TBCK: variants seen among roughly 807,000 people sequenced by gnomAD.
The protein encoded by TBCK is TBC1 domain containing kinase.
Under a neutral mutation model 113.4 loss-of-function variants are expected in TBCK, and 99 were observed. The ratio of observed to expected loss-of-function variants is 0.87; its 90% CI spans 0.74 to 1.03. The LOEUF is 1.03. Ranked by LOEUF, TBCK falls within the 50% of genes least tolerant of loss-of-function variation. The pLI is 0.00. For missense variants in TBCK, 1,045 were observed against 1,061.3 expected, an observed-to-expected ratio of 0.98 and a Z score of 0.21; for synonymous variants, 369 against 370.8, an observed-to-expected ratio of 1.00 and a Z score of 0.05.
At chr4:106,155,145 A>ATTT (rs77812482) in intron 23 of TBCK, among the ~76,000 whole-genome samples, 4 of 146,420 alleles carry the variant, frequency 2.7e-5, no homozygotes, top group African/African-American at 1.0e-4. Flanking sequence ...CTAGGGTAAA[A>ATTT]TTTTTTTTTT....
rs1739698737 is a variant in TBCK at position 106,087,871 on chromosome 4, G to T, written c.2571+7611C>A. 1.3e-5 allele frequency among the ~76,000 whole-genome samples: 2 copies of T among 152,208 alleles called. 1 individual carries two copies. The highest frequency in any genetic ancestry group is 2.9e-5 in the Non-Finnish European group (2 of 68,042). On this transcript the variant is annotated intron_variant, in intron 25 of 25. Coordinates refer to ENST00000394708, the MANE Select transcript of TBCK (RefSeq NM_001163435.3). ...GGAAAGGATCTCCTATTCAGTAAAT[G>T]GTGCTGGGAAGACTGGCTAGCCATA...
At position 106,262,115 on chromosome 4, in the gene TBCK, T is replaced by C; in HGVS notation, c.364A>G (p.Ile122Val). The change falls in exon 4 of 26, where the codon ATC becomes GTC. Residue 122 changes from isoleucine to valine, a missense_variant. Transcript: ENST00000394708. ...ACAATTACCTTTCGGTCCAACAGGA[T>C]ATTATGAGGAGACAATGCCCTGTGT... ...IVHRALSPHNILLDRKGHIKL... is the reference protein window; with the variant it reads ...IVHRALSPHNVLLDRKGHIKL... 1.3e-6 allele frequency: 2 copies of C among 1,535,202 alleles called. No homozygotes were observed. The highest frequency in any genetic ancestry group is 1.8e-6 in the Non-Finnish European group (2 of 1,136,850).
intron 20 of TBCK, among the ~76,000 whole-genome samples, chr4:106,198,790 A>C (rs1754544932): frequency 6.6e-6 from 1 of 152,074 alleles, no homozygotes; most frequent in African/African-American, 2.4e-5. Flanking sequence ...TTTGTGCTAA[A>C]TGCCACGTGT....
At chr4:106,211,180 T>G (rs1390457767) in intron 20 of TBCK, among the ~76,000 whole-genome samples, 1 of 152,166 alleles carries the variant, frequency 6.6e-6, no homozygotes, top group East Asian at 1.9e-4. Context: ...ATTATCTTTT[T>G]TAGTCTAAAT....
At chr4:106,292,684 A>C (rs1216273670) in intron 3 of TBCK, among the ~76,000 whole-genome samples, 2 of 152,176 alleles carry the variant, frequency 1.3e-5, no homozygotes, top group African/African-American at 4.8e-5. Context: ...GTGGCTTTCT[A>C]AAGGTGGATC....
rs555770448 is a variant in TBCK at position 106,169,452 on chromosome 4, T to C, written c.2235+1643A>G. Among the ~76,000 whole-genome samples, 38 of 152,230 alleles carry C rather than the reference T, an allele frequency of 2.5e-4. No individual in the cohort carries two copies. The South Asian group carries it at 7.7e-3, about 31-fold the overall frequency. Reference sequence around the variant, plus strand: ...CAATAAAATGGAAAAGTCAGTCTTTTTAACAAATGTTTTTCTGCTATAAAG... The same window carrying C: ...CAATAAAATGGAAAAGTCAGTCTTTCTAACAAATGTTTTTCTGCTATAAAG... On this transcript the variant is annotated intron_variant, in intron 23 of 25. Coordinates refer to ENST00000394708, the MANE Select transcript of TBCK (RefSeq NM_001163435.3).
At chr4:106,235,415 A>G in intron 14 of TBCK, 48 bp from the exon 15 acceptor site, 1 of 1,320,264 alleles carries the variant, frequency 7.6e-7, no homozygotes, top group Non-Finnish European at 1.1e-6. Context: ...ACCTAGTGCC[A>G]TCTTTTAGTC....
chr4:106,279,455 A>G lies in TBCK; in HGVS notation c.266+15639T>C, dbSNP rs114032918. Among the ~76,000 whole-genome samples, 603 of 152,294 alleles carry G rather than the reference A, an allele frequency of 4.0e-3. 7 individuals carry two copies. The highest frequency in any genetic ancestry group is 0.029 in the East Asian group (149 of 5,186). On this transcript the variant is annotated intron_variant, in intron 3 of 25. Coordinates refer to ENST00000394708, the MANE Select transcript of TBCK (RefSeq NM_001163435.3). ...AGCATTTATCCTTTATTGGTATTAG[A>G]AACAATCCAATTATACTATTTCAGT...
intron 23 of TBCK, among the ~76,000 whole-genome samples, chr4:106,155,441 T>A (rs1749011565): frequency 6.6e-6 from 1 of 152,126 alleles, no homozygotes; most frequent in African/African-American, 2.4e-5. Context: ...CTCATTAACA[T>A]CCTTTTTATT....
chr4:106,129,696 A>G (rs1281608776), intron 23 of TBCK, among the ~76,000 whole-genome samples: 1 of 152,244 alleles, frequency 6.6e-6, no homozygotes, highest in Non-Finnish European at 1.5e-5. Flanking sequence ...CGTCATTAAT[A>G]ATCACAGAAA....
intron 24 of TBCK, among the ~76,000 whole-genome samples, chr4:106,113,968 C>G (rs538013624): frequency 1.3e-5 from 2 of 152,162 alleles, no homozygotes; most frequent in South Asian, 4.1e-4. Flanking sequence ...TCCTCAATAA[C>G]GGCACACATT....
Position 106,163,867 on chromosome 4 carries a change from C to A in TBCK, c.2235+7228G>T, listed in dbSNP as rs182658563. Among the ~76,000 whole-genome samples the A allele has an allele frequency of 8.3e-4, 126 of 152,166 alleles. 3 individuals carry two copies. Among genetic ancestry groups the A allele is most frequent in the South Asian group, 7.9e-3 (38 of 4,826 alleles). On this transcript the variant is annotated intron_variant, in intron 23 of 25. Coordinates refer to ENST00000394708, the MANE Select transcript of TBCK (RefSeq NM_001163435.3). ...TCTGTCTGGGAATTTGTTTGCCTTT[C>A]TTCTTCTCTACACTTGGAATATAGA...
At chr4:106,178,583 T>C (rs1304786080) in intron 22 of TBCK, among the ~76,000 whole-genome samples, 3 of 152,006 alleles carry the variant, frequency 2.0e-5, no homozygotes, top group African/African-American at 7.2e-5. Flanking sequence ...CATATGGGTT[T>C]TGTTCTTGAT....
At chr4:106,301,977 A>G (rs1484086410) in intron 2 of TBCK, among the ~76,000 whole-genome samples, 3 of 152,216 alleles carry the variant, frequency 2.0e-5, no homozygotes. Context: ...AGTAGATGCA[A>G]CTGAAATGAC....
chr4:106,282,462 C>T (rs1456763905), intron 3 of TBCK, among the ~76,000 whole-genome samples: 1 of 151,420 alleles, frequency 6.6e-6, no homozygotes, highest in Non-Finnish European at 1.5e-5. Context: ...TTGGTTTGCT[C>T]TTGCTTTTCT....
intron 24 of TBCK, among the ~76,000 whole-genome samples, chr4:106,114,288 T>G (rs1172200984): frequency 6.6e-6 from 1 of 152,190 alleles, no homozygotes; most frequent in African/African-American, 2.4e-5. Context: ...TGGATTTGGC[T>G]GAAGGTAGCC....
chr4:106,077,945 C>A (rs1188176667), intron 25 of TBCK, among the ~76,000 whole-genome samples: 1 of 152,080 alleles, frequency 6.6e-6, no homozygotes, highest in Non-Finnish European at 1.5e-5. Flanking sequence ...GAAATCATAC[C>A]AAACACATTC....
intron 19 of TBCK, among the ~76,000 whole-genome samples, chr4:106,220,111 T>C (rs1560849049): frequency 1.3e-5 from 2 of 152,200 alleles, no homozygotes; most frequent in African/African-American, 2.4e-5. Context: ...ATTTTATAGA[T>C]AACATGGTTT....
chr4:106,261,812 C>T (rs1762534813), intron 4 of TBCK, among the ~76,000 whole-genome samples: 1 of 151,588 alleles, frequency 6.6e-6, no homozygotes, highest in Non-Finnish European at 1.5e-5. Context: ...TACTGGGACG[C>T]CACAAGGCTT....
Sources: allele counts gnomAD v4.1 joint callset (sites outside exome capture counted in the v4.1 genomes callset), GRCh38; gene constraint gnomAD v4.1.1; transcripts MANE v1.5; gene names NCBI Gene and HGNC (gene_info 2026-07-23, HGNC 2026-07-21).